Variants in NUPR1 observed in about 807,000 individuals in gnomAD.
NUPR1 encodes the protein nuclear protein 1, transcriptional regulator.
A neutral mutation model predicts 7.3 loss-of-function variants in NUPR1; 8 were observed. That is an observed-to-expected ratio of 1.09 (90% CI 0.64 to 1.97). NUPR1 has a LOEUF of 1.97. Ranked by LOEUF, NUPR1 falls within the 30% of genes most tolerant of loss-of-function variation. NUPR1 has a pLI of 0.00. For synonymous variants in NUPR1, 39 were observed against 44.5 expected (o/e 0.88, Z 0.49); for missense variants, 96 against 111.7 (o/e 0.86, Z 0.63).
At chr16:28,537,971 C>T in intron 2 of NUPR1, 35 bp downstream of exon 2, 1 of 1,554,396 alleles carries the variant, frequency 6.4e-7, no homozygotes, top group South Asian at 1.2e-5. Context: ...GGCAGAAGCA[C>T]CACCTTGAGC....
intron 1 of NUPR1, 139 bp from the exon 2 acceptor site, chr16:28,538,294 G>A (rs1033566127): frequency 3.2e-6 from 4 of 1,258,474 alleles, no homozygotes; most frequent in South Asian, 2.6e-5. Flanking sequence ...TGGAATGTGG[G>A]ACCCCAGATG....
chr16:28,538,520 T>A (rs2046641838), intron 1 of NUPR1: 7 of 586,352 alleles, frequency 1.2e-5, no homozygotes. Context: ...TGAGACCCCA[T>A]CTCACCACTG....
rs1555472512 is a variant in NUPR1 at position 28,535,514 on chromosome 16, T to TC, written c.*2168dup. 1 of 66,310 alleles carries TC rather than the reference T, an allele frequency of 1.5e-5. No individual in the cohort carries two copies. Among genetic ancestry groups the TC allele is most frequent in the East Asian group, 5.3e-4 (1 of 1,878 alleles). 4.1% of individuals were successfully genotyped at this position (66,310 alleles called of 1,614,324 possible). A position where few individuals can be genotyped will look rare whatever the true frequency, so the allele number is the denominator to read the frequency against. On this transcript the variant is annotated 3_prime_UTR_variant, in exon 3 of 3. Coordinates refer to ENST00000324873, the MANE Select transcript of NUPR1 (RefSeq NM_012385.3). ...GCCGGGGCTCGCTCTTTTCTTTCTT[T>TC]CTTTCTTTCTTTCTTTCTTTCTTTC...
chr16:28,538,884 G>A lies in NUPR1; in HGVS notation c.24C>T (p.Thr8=), dbSNP rs1408218584. 3 of 1,613,222 alleles carry A rather than the reference G, an allele frequency of 1.9e-6. No homozygotes were observed. The highest frequency in any genetic ancestry group is 2.5e-6 in the Non-Finnish European group (3 of 1,179,788). Residue 8 remains threonine, a synonymous_variant, in exon 1 of 3, where the codon ACC becomes ACT. Coordinates refer to ENST00000324873, the MANE Select transcript of NUPR1 (RefSeq NM_012385.3). MATFPPA[T]SAPQQPPGPE... ...GGCCTGGGGGCTGCTGGGGGGCGCT[G>A]GTTGCTGGTGGGAAGGTGGCCATCG...
At position 28,535,568 on chromosome 16, in the gene NUPR1, C is replaced by CTTTCTTTCTTTCT. The variant is rs1567277461; in HGVS notation, c.*2114_*2115insAGAAAGAAAGAAA. The CTTTCTTTCTTTCT allele has an allele frequency of 1.6e-3, 56 of 34,992 alleles. No individual in the cohort carries two copies. Among genetic ancestry groups the CTTTCTTTCTTTCT allele is most frequent in the Middle Eastern group, 0.014 (1 of 72 alleles). 2.2% of individuals were successfully genotyped at this position (34,992 alleles called of 1,614,324 possible). A position where few individuals can be genotyped will look rare whatever the true frequency, so the allele number is the denominator to read the frequency against. Reference sequence around the variant, plus strand: ...CCTTCTTTCTTTCTTTCTTTCCTTCCTTCCTTTCTTTCTTTCTTTCTTTCT... The same window carrying CTTTCTTTCTTTCT: ...CCTTCTTTCTTTCTTTCTTTCCTTCCTTTCTTTCTTTCTTTCCTTTCTTTCTTTCTTTCTTTCT... On this transcript the variant is annotated 3_prime_UTR_variant, in exon 3 of 3. Transcript: ENST00000324873.
In NUPR1 at chr16:28,532,937, G is replaced by A. The variant is rs1296398120; in HGVS notation, c.*4746C>T. On this transcript the variant is annotated 3_prime_UTR_variant, in exon 3 of 3. Transcript: ENST00000324873. The stretch of plus-strand genomic sequence containing the variant: ...AGTATGTCCTATTGGGTTATCGTAA[G>A]GATTAAATGGAGCAAAGCCTATAAA... 6.6e-6 allele frequency: 1 copy of A among 152,184 alleles called. No individual in the cohort carries two copies. Among genetic ancestry groups the A allele is most frequent in the Non-Finnish European group, 1.5e-5 (1 of 68,024 alleles). The allele number at this position is 152,184 out of a possible 1,614,324, so 9.4% of individuals were successfully genotyped here. A position where few individuals can be genotyped will look rare whatever the true frequency, so the allele number is the denominator to read the frequency against.
In NUPR1 at chr16:28,533,051, G is replaced by A. The variant is rs1260077491; in HGVS notation, c.*4632C>T. 1 of 152,244 alleles carries A rather than the reference G, an allele frequency of 6.6e-6. No homozygotes were observed. Among genetic ancestry groups the A allele is most frequent in the Non-Finnish European group, 1.5e-5 (1 of 68,108 alleles). 9.4% of individuals were successfully genotyped at this position (152,244 alleles called of 1,614,324 possible). On this transcript the variant is annotated 3_prime_UTR_variant, in exon 3 of 3. Transcript: ENST00000324873. ...ACACACCAGGTCTGTGCTGGGCTGA[G>A]GGCCGACTGCCTGGTGTTGCTCCTG... is the stretch of plus-strand genomic sequence containing the variant.
In NUPR1 at chr16:28,532,864, T is replaced by A. The variant is rs2046590879; in HGVS notation, c.*4819A>T. The A allele has an allele frequency of 6.6e-6, 1 of 152,220 alleles. No individual in the cohort carries two copies. The highest frequency in any genetic ancestry group is 2.4e-5 in the African/African-American group (1 of 41,452). The allele number at this position is 152,220 out of a possible 1,614,324, so 9.4% of individuals were successfully genotyped here. A position where few individuals can be genotyped will look rare whatever the true frequency, so the allele number is the denominator to read the frequency against. On this transcript the variant is annotated 3_prime_UTR_variant, in exon 3 of 3. Transcript: ENST00000324873. ...GTGTGACTTTAGGCAAATTACTTAATGTCTCCGAACCTCAGTTTTCCGGTC... is the reference window on the plus strand; with the variant it reads ...GTGTGACTTTAGGCAAATTACTTAAAGTCTCCGAACCTCAGTTTTCCGGTC...
intron 1 of NUPR1, 93 bp downstream of exon 1, chr16:28,538,703 G>T (rs1596587878): frequency 9.9e-7 from 1 of 1,008,766 alleles, no homozygotes; most frequent in African/African-American, 1.6e-5. Context: ...AAGAAACGAA[G>T]AGGAAAGGAA....
In NUPR1 at chr16:28,535,588, C is replaced by CTTTT. The variant is rs1463819923; in HGVS notation, c.*2094_*2095insAAAA. The CTTTT allele has an allele frequency of 5.1e-5, 1 of 19,470 alleles. No homozygotes were observed. The highest frequency in any genetic ancestry group is 4.8e-3 in the East Asian group (1 of 210). 1.2% of individuals were successfully genotyped at this position (19,470 alleles called of 1,614,324 possible). On this transcript the variant is annotated 3_prime_UTR_variant, in exon 3 of 3. Coordinates refer to ENST00000324873, the MANE Select transcript of NUPR1 (RefSeq NM_012385.3). ...CCTTCCTTCCTTTCTTTCTTTCTTT[C>CTTTT]TTTCTTTCTTTCTTTCTTTCTTTCT...
At chr16:28,537,869 C>T in intron 2 of NUPR1, 137 bp downstream of exon 2, 1 of 730,530 alleles carries the variant, frequency 1.4e-6, no homozygotes, top group Non-Finnish European at 2.3e-6. Flanking sequence ...AACTCACAAT[C>T]AAACATATGT....
At position 28,535,396 on chromosome 16, in the gene NUPR1, C is replaced by T. The variant is rs2151633163; in HGVS notation, c.*2287G>A. 6.6e-6 allele frequency: 1 copy of T among 152,224 alleles called. No individual in the cohort carries two copies. The highest frequency in any genetic ancestry group is 6.6e-5 in the Admixed American group (1 of 15,230). The allele number at this position is 152,224 out of a possible 1,614,324, so 9.4% of individuals were successfully genotyped here. A position where few individuals can be genotyped will look rare whatever the true frequency, so the allele number is the denominator to read the frequency against. ...GTGCAATGGCGTGATCTTGGCTCAC[C>T]ACAACTTCTGCCTCGAACTCGAACT... On this transcript the variant is annotated 3_prime_UTR_variant, in exon 3 of 3. Coordinates refer to ENST00000324873, the MANE Select transcript of NUPR1 (RefSeq NM_012385.3).
At chr16:28,538,246 A>G in intron 1 of NUPR1, 91 bp from the exon 2 acceptor site, 3 of 1,586,812 alleles carry the variant, frequency 1.9e-6, no homozygotes, top group Non-Finnish European at 2.6e-6. Context: ...GGTTGTGGGG[A>G]TGGGAAGAGC....
rs1480597158 is a variant in NUPR1, at chr16:28,536,081, G to A, written c.*1602C>T. On this transcript the variant is annotated 3_prime_UTR_variant, in exon 3 of 3. Transcript: ENST00000324873. ...CTAAAAATACAAAAATTGGCCAGGC[G>A]TGGTGGCTGACGCCTGTAATCCCAG... 1.3e-5 allele frequency: 2 copies of A among 152,240 alleles called. No individual in the cohort carries two copies. The highest frequency in any genetic ancestry group is 2.4e-5 in the African/African-American group (1 of 41,448). The allele number at this position is 152,240 out of a possible 1,614,324, so 9.4% of individuals were successfully genotyped here.
At chr16:28,538,499 G>A in intron 1 of NUPR1, 1 of 575,978 alleles carries the variant, frequency 1.7e-6, no homozygotes, top group South Asian at 1.9e-5. Flanking sequence ...GGATCAGCCT[G>A]GGAAACATAG....
rs1567277085 is a variant in NUPR1 at position 28,534,748 on chromosome 16, A to G, written c.*2935T>C. On this transcript the variant is annotated 3_prime_UTR_variant, in exon 3 of 3. Transcript: ENST00000324873. ...GTGTTCTACTTTTAGATTATGCCCT[A>G]AAATTGAAGAGGTGTGGCCTCCTCT... 1 of 152,018 alleles carries G rather than the reference A, an allele frequency of 6.6e-6. No individual in the cohort carries two copies. Among genetic ancestry groups the G allele is most frequent in the Non-Finnish European group, 1.5e-5 (1 of 67,998 alleles). The allele number at this position is 152,018 out of a possible 1,614,324, so 9.4% of individuals were successfully genotyped here.
chr16:28,536,242 A>T lies in NUPR1; in HGVS notation c.*1441T>A, dbSNP rs1051010032. The stretch of plus-strand genomic sequence containing the variant: ...GTGGCAGGTGCCTGTAGTCCCAGCT[A>T]CTCAGGAGGCTGAAGCAGGAGAATA... On this transcript the variant is annotated 3_prime_UTR_variant, in exon 3 of 3. Transcript: ENST00000324873. 6.6e-6 allele frequency: 1 copy of T among 152,456 alleles called. No individual in the cohort carries two copies. The highest frequency in any genetic ancestry group is 1.5e-5 in the Non-Finnish European group (1 of 68,186). The allele number at this position is 152,456 out of a possible 1,614,324, so 9.4% of individuals were successfully genotyped here. A position where few individuals can be genotyped will look rare whatever the true frequency, so the allele number is the denominator to read the frequency against.
Position 28,535,575 on chromosome 16 carries a change from T to TTCCTTCCTTCCTTCCTTCCTTC in NUPR1, c.*2107_*2108insGAAGGAAGGAAGGAAGGAAGGA, listed in dbSNP as rs1244240251. ...TCTTTCTTTCTTTCCTTCCTTCCTT[T>TTCCTTCCTTCCTTCCTTCCTTC]CTTTCTTTCTTTCTTTCTTTCTTTC... On this transcript the variant is annotated 3_prime_UTR_variant, in exon 3 of 3. Coordinates refer to ENST00000324873, the MANE Select transcript of NUPR1 (RefSeq NM_012385.3). 2 of 41,410 alleles carry TTCCTTCCTTCCTTCCTTCCTTC rather than the reference T, an allele frequency of 4.8e-5. No individual in the cohort carries two copies. Among genetic ancestry groups the TTCCTTCCTTCCTTCCTTCCTTC allele is most frequent in the Admixed American group, 3.0e-4 (1 of 3,386 alleles). 2.6% of individuals were successfully genotyped at this position (41,410 alleles called of 1,614,324 possible). A position where few individuals can be genotyped will look rare whatever the true frequency, so the allele number is the denominator to read the frequency against.
In NUPR1 at chr16:28,535,544, C is replaced by CTCT. The variant is rs2046607062; in HGVS notation, c.*2138_*2139insAGA. 1.7e-5 allele frequency: 1 copy of CTCT among 58,122 alleles called. No homozygotes were observed. Among genetic ancestry groups the CTCT allele is most frequent in the African/African-American group, 6.0e-5 (1 of 16,694 alleles). The allele number at this position is 58,122 out of a possible 1,614,324, so 3.6% of individuals were successfully genotyped here. On this transcript the variant is annotated 3_prime_UTR_variant, in exon 3 of 3. Transcript: ENST00000324873. Reference sequence around the variant, plus strand: ...CTTTCTTTCTTTCTTTCTTTCTTTCCTTCTTTCTTTCTTTCTTTCCTTCCT... The same window carrying CTCT: ...CTTTCTTTCTTTCTTTCTTTCTTTCCTCTTTCTTTCTTTCTTTCTTTCCTTCCT...
Sources: gnomAD v4.1 joint callset for allele counts on GRCh38, gnomAD v4.1.1 for gene constraint, MANE v1.5 for transcripts, NCBI Gene and HGNC (gene_info 2026-07-23, HGNC 2026-07-21) for gene names.